Variants in RIMBP2 observed in about 807,000 individuals in gnomAD.
RIMBP2 encodes RIMS-binding protein 2.
A neutral mutation model predicts 118.6 loss-of-function variants in RIMBP2; 48 were observed. That is an observed-to-expected ratio of 0.40 (90% CI 0.32 to 0.51). The LOEUF (loss-of-function observed/expected upper bound fraction) is 0.51. Among genes scored for constraint, RIMBP2 ranks in the 20% least tolerant of loss-of-function variants. RIMBP2 has a pLI of 0.41. For missense variants in RIMBP2, 1,551 were observed against 1,768.3 expected (o/e 0.88, Z 2.20); for synonymous variants, 762 against 742.9 (o/e 1.03, Z -0.42).
chr12:130,476,091 T>C (rs544945961), intron 5 of RIMBP2, among the ~76,000 whole-genome samples: 2 of 152,062 alleles, frequency 1.3e-5, no homozygotes, highest in South Asian at 4.2e-4. Flanking sequence ...GAGTCACCTG[T>C]GATGTGTAGA....
chr12:130,636,487 T>C (rs928457582), intron 1 of RIMBP2, among the ~76,000 whole-genome samples: 21 of 152,268 alleles, frequency 1.4e-4, no homozygotes, highest in African/African-American at 4.3e-4. Context: ...TAAACCTCAA[T>C]TGACTCAGCT....
chr12:130,637,710 G>A (rs975417524), intron 1 of RIMBP2, among the ~76,000 whole-genome samples: 1 of 151,806 alleles, frequency 6.6e-6, no homozygotes, highest in African/African-American at 2.4e-5. Context: ...GTAGAGCTGC[G>A]ATGTCCTGGT....
intron 19 of RIMBP2, among the ~76,000 whole-genome samples, chr12:130,408,826 G>A (rs2043896360): frequency 6.6e-6 from 1 of 152,120 alleles, no homozygotes; most frequent in Non-Finnish European, 1.5e-5. Flanking sequence ...ATATCTCAAC[G>A]GCAACTAAAG....
intron 4 of RIMBP2, among the ~76,000 whole-genome samples, chr12:130,503,477 G>A (rs58474423): frequency 0.074 from 11,192 of 151,938 alleles, 1,035 homozygotes; most frequent in African/African-American, 0.22. Context: ...CAGCCTTAGC[G>A]TTCCTCCCCA....
chr12:130,515,538 G>A (rs1164631050), intron 3 of RIMBP2, among the ~76,000 whole-genome samples: 1 of 152,188 alleles, frequency 6.6e-6, no homozygotes, highest in African/African-American at 2.4e-5. Flanking sequence ...AGTAGCGTGT[G>A]TCAGAGTTTC....
At chr12:130,705,500 C>T (rs1190228030) in intron 1 of RIMBP2, among the ~76,000 whole-genome samples, 1 of 152,166 alleles carries the variant, frequency 6.6e-6, no homozygotes, top group African/African-American at 2.4e-5. Context: ...AGGGAAGGGA[C>T]GCAGCTGTCC....
At chr12:130,567,589 A>C (rs2057318995) in intron 2 of RIMBP2, among the ~76,000 whole-genome samples, 1 of 152,062 alleles carries the variant, frequency 6.6e-6, no homozygotes, top group East Asian at 1.9e-4. Flanking sequence ...CCCCCCACAT[A>C]ACTGGGCATC....
At chr12:130,439,431 ATGTGGGTGTGTGGGTGTGGGTG>A (rs1253018755) in intron 11 of RIMBP2, among the ~76,000 whole-genome samples, 3 of 141,450 alleles carry the variant, frequency 2.1e-5, no homozygotes, top group Non-Finnish European at 3.1e-5. Flanking sequence ...GTATATGTGT[ATGTGGGTGTGTGGGTGTGGGTG>A]TGTGGGTGTG....
chr12:130,562,338 G>A (rs1240474371), intron 2 of RIMBP2, among the ~76,000 whole-genome samples: 3 of 152,192 alleles, frequency 2.0e-5, no homozygotes, highest in African/African-American at 7.2e-5. Flanking sequence ...TAATTGAAAT[G>A]GAAAATTATG....
intron 1 of RIMBP2, among the ~76,000 whole-genome samples, chr12:130,637,375 G>A (rs1048509638): frequency 6.6e-6 from 1 of 152,236 alleles, no homozygotes; most frequent in African/African-American, 2.4e-5. Context: ...GGAAACACTG[G>A]ATTGACACAT....
At chr12:130,459,451 G>C (rs952378454) in intron 6 of RIMBP2, among the ~76,000 whole-genome samples, 3 of 152,050 alleles carry the variant, frequency 2.0e-5, no homozygotes, top group African/African-American at 7.2e-5. Flanking sequence ...AACTCCCCCT[G>C]CTGTCTTTGT....
intron 2 of RIMBP2, among the ~76,000 whole-genome samples, chr12:130,582,691 A>C (rs895307388): frequency 1.3e-5 from 2 of 152,222 alleles, no homozygotes; most frequent in Non-Finnish European, 2.9e-5. Context: ...AGAAATGCAC[A>C]TTCTCTGCCC....
intron 18 of RIMBP2, 119 bp downstream of exon 18, chr12:130,414,006 G>C: frequency 9.2e-7 from 1 of 1,086,890 alleles, no homozygotes; most frequent in South Asian, 1.4e-5. Flanking sequence ...CCCGTGCCTC[G>C]CCCATGGCCT....
intron 3 of RIMBP2, among the ~76,000 whole-genome samples, chr12:130,507,113 G>A (rs548871764): frequency 5.3e-5 from 8 of 152,178 alleles, no homozygotes; most frequent in Admixed American, 5.2e-4. Context: ...GTTGCATTCT[G>A]GGGGAATGAG....
chr12:130,672,570 G>A (rs10848179), intron 1 of RIMBP2, among the ~76,000 whole-genome samples: 35,360 of 152,174 alleles, frequency 0.23, 4,331 homozygotes, highest in East Asian at 0.31. Flanking sequence ...GATGAGAACT[G>A]GAAGCAGCAC....
rs1171375090 is a variant in RIMBP2 at position 130,442,404 on chromosome 12, G to A, written c.948C>T (p.Tyr316=). ...IDDIGEDIVP[Y]PRKITLIKQL... is the part of the protein sequence containing the mutation. ...GTTTGATGAGGGTGATTTTTCTAGG[G>A]TAAGGCACGATGTCTTCTCCGATGT... Residue 316 remains tyrosine, a synonymous_variant, in exon 11 of 23, where the codon TAC becomes TAT. Transcript: ENST00000690449. This position sits in a 1 kb window ranked among gnomAD's most constrained non-coding sequence, Gnocchi z 6.9. 1 of 1,614,158 alleles carries A rather than the reference G, an allele frequency of 6.2e-7. No homozygotes were observed. The highest frequency in any genetic ancestry group is 8.5e-7 in the Non-Finnish European group (1 of 1,180,030).
chr12:130,485,932 G>A (rs375359381), intron 4 of RIMBP2, among the ~76,000 whole-genome samples: 9 of 152,176 alleles, frequency 5.9e-5, no homozygotes, highest in South Asian at 2.1e-4. Flanking sequence ...AGGCGTGAGC[G>A]GGAGAAGCAC....
chr12:130,567,813 T>C (rs1462519031), intron 2 of RIMBP2, among the ~76,000 whole-genome samples: 1 of 152,212 alleles, frequency 6.6e-6, no homozygotes, highest in African/African-American at 2.4e-5. Context: ...GCATCGCCTT[T>C]CTAGGTCTCT....
intron 15 of RIMBP2, chr12:130,425,077 C>T (rs1566011131): frequency 1.6e-5 from 6 of 384,314 alleles, no homozygotes; most frequent in East Asian, 1.5e-4. Context: ...TGAGGCAGAG[C>T]ACACGCAGAG....
Sources: gnomAD v4.1 joint callset for allele counts (sites outside exome capture counted in the v4.1 genomes callset) on GRCh38, gnomAD v4.1.1 for gene constraint, Gnocchi (gnomAD v3.1) non-coding constraint, MANE v1.5 for transcripts, NCBI Gene and HGNC (gene_info 2026-07-23, HGNC 2026-07-21) for gene names.